DKK2: variants seen among roughly 807,000 people sequenced by gnomAD.
DKK2 encodes dickkopf-related protein 2.
Under a neutral mutation model 28.1 loss-of-function variants are expected in DKK2, and 11 were observed. The ratio of observed to expected loss-of-function variants is 0.39; its 90% CI spans 0.25 to 0.65. The LOEUF (loss-of-function observed/expected upper bound fraction) is 0.65. Among genes scored for constraint, DKK2 ranks in the 30% least tolerant of loss-of-function variants. The probability of loss-of-function intolerance (pLI) is 0.47; values close to 1 mark genes in which losing one functional copy is unlikely to be tolerated. For synonymous variants in DKK2, 135 were observed against 126.5 expected, an observed-to-expected ratio of 1.07 and a Z score of -0.45; for missense variants, 326 against 335.5, an observed-to-expected ratio of 0.97 and a Z score of 0.22.
intron 1 of DKK2, among the ~76,000 whole-genome samples, chr4:106,981,360 A>C (rs1413331907): frequency 2.0e-5 from 3 of 152,194 alleles, no homozygotes; most frequent in Non-Finnish European, 4.4e-5. Flanking sequence ...CTTCAGTCTA[A>C]CATATTGAAA....
chr4:107,028,301 T>C (rs1325843588), intron 1 of DKK2, among the ~76,000 whole-genome samples: 4 of 152,160 alleles, frequency 2.6e-5, no homozygotes, highest in African/African-American at 7.2e-5. Flanking sequence ...GTACATCATA[T>C]GCATTAGTTT....
At chr4:106,993,475 A>G (rs559626440) in intron 1 of DKK2, among the ~76,000 whole-genome samples, 4 of 152,216 alleles carry the variant, frequency 2.6e-5, no homozygotes, top group Non-Finnish European at 5.9e-5. Context: ...AATTTCCATT[A>G]CAACTAACAG....
chr4:106,969,557 G>A (rs986628433), intron 1 of DKK2, among the ~76,000 whole-genome samples: 1 of 151,984 alleles, frequency 6.6e-6, no homozygotes, highest in African/African-American at 2.4e-5. Flanking sequence ...AAAAAAGACA[G>A]GAGTGATATT....
intron 1 of DKK2, among the ~76,000 whole-genome samples, chr4:106,990,368 G>T (rs1251169318): frequency 6.6e-6 from 1 of 152,156 alleles, no homozygotes; most frequent in Admixed American, 6.5e-5. Flanking sequence ...AAGCTTGAAA[G>T]AGTAAGGGGA....
rs1389620010 is a variant in DKK2 at position 107,035,489 on chromosome 4, G to A, written c.103C>T (p.Leu35Phe). ...SSQIGSSRAK[L>F]NSIKSSLGGE... Reference sequence around the variant, plus strand: ...CCCAGAGAGGACTTGATGGAGTTGAGTTTGGCCCGCGAACTGCCGATCTGT... The same window carrying A: ...CCCAGAGAGGACTTGATGGAGTTGAATTTGGCCCGCGAACTGCCGATCTGT... Residue 35 changes from leucine to phenylalanine, a missense_variant, in exon 1 of 4, where the codon CTC becomes TTC. Leu to Phe is a conservative substitution (Grantham distance 22). Coordinates refer to ENST00000285311, the MANE Select transcript of DKK2 (RefSeq NM_014421.3). The A allele has an allele frequency of 6.2e-7, 1 of 1,614,090 alleles. No individual in the cohort carries two copies. Among genetic ancestry groups the A allele is most frequent in the Non-Finnish European group, 8.5e-7 (1 of 1,180,056 alleles).
intron 1 of DKK2, among the ~76,000 whole-genome samples, chr4:106,967,437 A>G (rs1469707195): frequency 1.3e-5 from 2 of 152,044 alleles, no homozygotes; most frequent in Non-Finnish European, 2.9e-5. Flanking sequence ...GAAAAGGCCT[A>G]TGTCAAGTCC....
At chr4:106,974,143 G>A (rs780057043) in intron 1 of DKK2, among the ~76,000 whole-genome samples, 16 of 152,132 alleles carry the variant, frequency 1.1e-4, no homozygotes, top group Non-Finnish European at 1.0e-4. Flanking sequence ...GGTTACTGTA[G>A]CCTTGAGGTA....
rs374808768 is a variant in DKK2 at position 107,028,242 on chromosome 4, C to G, written c.222+7128G>C. Among the ~76,000 whole-genome samples the G allele has an allele frequency of 5.9e-5, 9 of 152,186 alleles. 1 individual carries two copies. The highest frequency in any genetic ancestry group is 5.9e-4 in the Admixed American group (9 of 15,292). Reference sequence around the variant, plus strand: ...TGCATGTTTATTTTGTCTTGTTTTGCTTTATAATTCTTACTCTCAGAGTAA... The same window carrying G: ...TGCATGTTTATTTTGTCTTGTTTTGGTTTATAATTCTTACTCTCAGAGTAA... On this transcript the variant is annotated intron_variant, in intron 1 of 3. Transcript: ENST00000285311.
intron 1 of DKK2, among the ~76,000 whole-genome samples, chr4:106,926,520 C>T (rs770417704): frequency 3.9e-5 from 6 of 152,108 alleles, no homozygotes; most frequent in Non-Finnish European, 8.8e-5. Flanking sequence ...TTATTTGGCA[C>T]AAAGACACTA....
intron 1 of DKK2, among the ~76,000 whole-genome samples, chr4:106,994,308 C>T (rs1723242341): frequency 6.6e-6 from 1 of 152,194 alleles, no homozygotes; most frequent in Admixed American, 6.5e-5. Flanking sequence ...GCAAACACAT[C>T]TAAAGGTTTG....
At chr4:106,997,745 A>C (rs1198434582) in intron 1 of DKK2, among the ~76,000 whole-genome samples, 1 of 152,256 alleles carries the variant, frequency 6.6e-6, no homozygotes, top group African/African-American at 2.4e-5. Context: ...GTTGAAATGC[A>C]TATTCAGGTC....
chr4:106,940,834 T>C (rs1724685787), intron 1 of DKK2, among the ~76,000 whole-genome samples: 1 of 152,148 alleles, frequency 6.6e-6, no homozygotes, highest in African/African-American at 2.4e-5. Context: ...TTGGAAATCA[T>C]CATTGTCAGT....
intron 1 of DKK2, among the ~76,000 whole-genome samples, chr4:106,997,094 G>A (rs1723283302): frequency 6.6e-6 from 1 of 151,960 alleles, no homozygotes; most frequent in Admixed American, 6.6e-5. Flanking sequence ...AATCTATGAT[G>A]TTTAGAAATT....
intron 1 of DKK2, among the ~76,000 whole-genome samples, chr4:106,942,603 A>T (rs1340247659): frequency 6.6e-6 from 1 of 152,088 alleles, no homozygotes; most frequent in Non-Finnish European, 1.5e-5. Context: ...GAAAACTCAG[A>T]TAAGAAATTC....
intron 1 of DKK2, among the ~76,000 whole-genome samples, chr4:106,944,599 T>C (rs1404526517): frequency 6.6e-6 from 1 of 152,118 alleles, no homozygotes; most frequent in Admixed American, 6.6e-5. Context: ...AGAAAGATGA[T>C]ATAATCCTGT....
intron 1 of DKK2, 115 bp downstream of exon 1, chr4:107,035,255 T>A: frequency 7.9e-7 from 1 of 1,259,142 alleles, no homozygotes; most frequent in Middle Eastern, 2.1e-4. Context: ...AGCCGCCTGT[T>A]CTCTGTATCT....
chr4:106,926,017 T>C (rs1724419935), intron 1 of DKK2, 68 bp from the exon 2 acceptor site: 4 of 1,468,242 alleles, frequency 2.7e-6, no homozygotes, highest in South Asian at 1.3e-5. Context: ...AACATTACTA[T>C]AGCAAATCAT....
chr4:106,951,667 G>C (rs1214469153), intron 1 of DKK2, among the ~76,000 whole-genome samples: 1 of 152,120 alleles, frequency 6.6e-6, no homozygotes, highest in Non-Finnish European at 1.5e-5. Context: ...CACAGGCTTA[G>C]AACTATATGT....
intron 1 of DKK2, among the ~76,000 whole-genome samples, chr4:107,014,774 T>C (rs1474531488): frequency 6.6e-6 from 1 of 151,518 alleles, no homozygotes; most frequent in Non-Finnish European, 1.5e-5. Flanking sequence ...TGTACAATTA[T>C]GTCTCAATTA....
Sources: allele counts gnomAD v4.1 joint callset (sites outside exome capture counted in the v4.1 genomes callset), GRCh38; gene constraint gnomAD v4.1.1; transcripts MANE v1.5; gene names NCBI Gene and HGNC (gene_info 2026-07-23, HGNC 2026-07-21).